Variants in CLEC16A observed in about 807,000 individuals in gnomAD.
CLEC16A encodes C-type lectin domain containing 16A.
CLEC16A carries 51 observed loss-of-function variants against 109.5 expected under a neutral mutation model. That is an observed-to-expected ratio of 0.47 (90% confidence interval 0.37 to 0.59). The LOEUF is 0.59. Ranked by LOEUF, CLEC16A falls within the 20% of genes least tolerant of loss-of-function variation. CLEC16A has a pLI of 0.00. For missense variants in CLEC16A, 1,339 were observed against 1,394.0 expected, an observed-to-expected ratio of 0.96 and a Z score of 0.63; for synonymous variants, 673 against 564.2, an observed-to-expected ratio of 1.19 and a Z score of -2.73.
At chr16:11,054,013 TAGGG>T (rs1253591137) in intron 18 of CLEC16A, among the ~76,000 whole-genome samples, 1 of 152,180 alleles carries the variant, frequency 6.6e-6, no homozygotes, top group African/African-American at 2.4e-5. Flanking sequence ...AGGCATCAGA[TAGGG>T]AGGCATAGGC....
At chr16:11,068,203 G>A (rs575072441) in intron 19 of CLEC16A, among the ~76,000 whole-genome samples, 33 of 152,296 alleles carry the variant, frequency 2.2e-4, no homozygotes, top group Non-Finnish European at 1.0e-4. Flanking sequence ...TGAGAACAGC[G>A]ATGCCCAACT....
chr16:11,104,597 C>T (rs1042440342), intron 19 of CLEC16A, among the ~76,000 whole-genome samples: 4 of 152,158 alleles, frequency 2.6e-5, no homozygotes, highest in African/African-American at 9.7e-5. Context: ...GATGTAGCCC[C>T]ATCTTCAAGA....
rs948375316 is a variant in CLEC16A at position 11,051,659 on chromosome 16, C to G, written c.1995+18C>G. On this transcript the variant is annotated intron_variant, in intron 18 of 23. Transcript: ENST00000409790. ...CCCGGCGGGTGAGTGAGCACAGGAC[C>G]TGTCATCTCCTGGGCCACTGTTCTC... The G allele has an allele frequency of 1.2e-6, 2 of 1,610,850 alleles. No homozygotes were observed. The highest frequency in any genetic ancestry group is 3.3e-5 in the Admixed American group (2 of 59,994).
chr16:10,962,581 C>G lies in CLEC16A; in HGVS notation c.336C>G (p.Thr112=), dbSNP rs201484456. The change falls in exon 3 of 24, where the codon ACC becomes ACG. Residue 112 remains threonine (T), a synonymous_variant. Coordinates refer to ENST00000409790, the MANE Select transcript of CLEC16A (RefSeq NM_015226.3). ...TCTTTGAGAACATCAGTCACGAGACCTCACTTTGTAAGGACATTCCTTGGT... is the reference window on the plus strand; with the variant it reads ...TCTTTGAGAACATCAGTCACGAGACGTCACTTTGTAAGGACATTCCTTGGT... The part of the protein sequence containing the change: ...NILFENISHE[T]SLYYLLSNNY... 3.1e-6 allele frequency: 5 copies of G among 1,613,760 alleles called. No individual in the cohort carries two copies. Among genetic ancestry groups the G allele is most frequent in the Non-Finnish European group, 4.2e-6 (5 of 1,179,728 alleles).
At chr16:10,979,301 C>A in intron 8 of CLEC16A, 28 bp from the exon 9 acceptor site, 3 of 1,604,692 alleles carry the variant, frequency 1.9e-6, no homozygotes, top group Middle Eastern at 1.7e-4. Context: ...CCTGATCTCT[C>A]TCTCTCTCTC....
intron 5 of CLEC16A, among the ~76,000 whole-genome samples, chr16:10,972,125 A>G (rs1004108936): frequency 2.0e-5 from 3 of 152,192 alleles, no homozygotes; most frequent in African/African-American, 7.2e-5. Flanking sequence ...TTAGTTTTTG[A>G]AAAAATGTGT....
intron 22 of CLEC16A, among the ~76,000 whole-genome samples, chr16:11,142,873 C>G (rs1298975134): frequency 6.6e-6 from 1 of 152,184 alleles, no homozygotes; most frequent in Non-Finnish European, 1.5e-5. Context: ...TGCAGTGGCA[C>G]AATCTCAGCT....
At chr16:10,945,803 CTT>C (rs1376604001) in intron 1 of CLEC16A, among the ~76,000 whole-genome samples, 1 of 152,186 alleles carries the variant, frequency 6.6e-6, no homozygotes, top group Non-Finnish European at 1.5e-5. Flanking sequence ...TCCATCACAT[CTT>C]TCTCTTGCTT....
chr16:11,144,509 C>T (rs568574508), intron 22 of CLEC16A, among the ~76,000 whole-genome samples: 1 of 152,284 alleles, frequency 6.6e-6, no homozygotes, highest in African/African-American at 2.4e-5. Flanking sequence ...GAGGGACCTA[C>T]AGGCAGCCCT....
At chr16:11,143,889 A>T (rs998206864) in intron 22 of CLEC16A, among the ~76,000 whole-genome samples, 10 of 152,130 alleles carry the variant, frequency 6.6e-5, no homozygotes, top group African/African-American at 2.2e-4. Flanking sequence ...CCAGTGTCCT[A>T]TCCTGGCTTG....
At chr16:10,973,139 A>C in intron 7 of CLEC16A, 78 bp downstream of exon 7, 1 of 1,496,302 alleles carries the variant, frequency 6.7e-7, no homozygotes, top group South Asian at 1.3e-5. Context: ...AAGGAAAAAT[A>C]AACACAAGAA....
chr16:11,088,939 T>C (rs1177853506), intron 19 of CLEC16A, among the ~76,000 whole-genome samples: 2 of 152,204 alleles, frequency 1.3e-5, no homozygotes, highest in East Asian at 3.8e-4. Context: ...GTGCAGTTTG[T>C]AGAGTAAAAA....
At chr16:11,151,231 A>G (rs1168799782) in intron 22 of CLEC16A, among the ~76,000 whole-genome samples, 1 of 152,228 alleles carries the variant, frequency 6.6e-6, no homozygotes, top group African/African-American at 2.4e-5. Context: ...ATCCTTATTC[A>G]GAAATCTTGG....
intron 12 of CLEC16A, among the ~76,000 whole-genome samples, chr16:11,022,511 G>A (rs1003294961): frequency 7.9e-5 from 12 of 151,878 alleles, no homozygotes; most frequent in South Asian, 4.2e-4. Context: ...GGATCTTGGC[G>A]TTGGTCCACT....
At chr16:11,017,000 CGGG>C (rs34524116) in intron 11 of CLEC16A, among the ~76,000 whole-genome samples, 684 of 52,430 alleles carry the variant, frequency 0.013, 16 homozygotes, top group African/African-American at 0.043. Flanking sequence ...AATATCGGGG[CGGG>C]GGGGGGGGTG....
At chr16:11,011,596 C>T (rs78839813) in intron 11 of CLEC16A, among the ~76,000 whole-genome samples, 1,909 of 152,164 alleles carry the variant, frequency 0.013, 41 homozygotes, top group African/African-American at 0.044. Flanking sequence ...GGCTCCTGTC[C>T]ATGGGCAGGG....
chr16:11,101,780 C>G (rs1248536324), intron 19 of CLEC16A, among the ~76,000 whole-genome samples: 1 of 151,916 alleles, frequency 6.6e-6, no homozygotes, highest in African/African-American at 2.4e-5. Context: ...AGTTCGTGTA[C>G]AAGTTCATTT....
chr16:11,060,769 C>T (rs2048437468), intron 18 of CLEC16A, 133 bp from the exon 19 acceptor site: 2 of 920,812 alleles, frequency 2.2e-6, no homozygotes, highest in Admixed American at 3.0e-5. Context: ...AATCAAAACA[C>T]CCGAAGAGGT....
At chr16:11,003,443 G>T (rs927821529) in intron 11 of CLEC16A, 138 bp downstream of exon 11, 3 of 684,172 alleles carry the variant, frequency 4.4e-6, no homozygotes, top group Non-Finnish European at 7.6e-6. Flanking sequence ...CCTCACACTG[G>T]CGTACCTCAT....
Sources: gnomAD v4.1 joint callset for allele counts (sites outside exome capture counted in the v4.1 genomes callset) on GRCh38, gnomAD v4.1.1 for gene constraint, MANE v1.5 for transcripts, NCBI Gene and HGNC (gene_info 2026-07-23, HGNC 2026-07-21) for gene names.